Variants in BTD observed in about 807,000 individuals in gnomAD.
BTD encodes biotinidase.
BTD carries 13 observed loss-of-function variants against 17.7 expected under a neutral mutation model. The observed-to-expected ratio is 0.74, with a 90% CI of 0.48 to 1.17. The LOEUF is 1.17. BTD is among the 50% of genes most tolerant of loss of function. The pLI is 0.00. For synonymous variants in BTD, 240 were observed against 245.2 expected, an observed-to-expected ratio of 0.98 and a Z score of 0.20; for missense variants, 674 against 650.4, an observed-to-expected ratio of 1.04 and a Z score of -0.39.
downstream of BTD, among the ~76,000 whole-genome samples, chr3:15,716,573 C>T (rs2073082059): frequency 6.6e-6 from 1 of 152,008 alleles, no homozygotes; most frequent in Non-Finnish European, 1.5e-5. Context: ...TGTGAGCCAC[C>T]ATGCCTGGCC....
intron 3 of BTD, chr3:15,695,248 T>C: frequency 6.8e-7 from 1 of 1,480,994 alleles, no homozygotes; most frequent in Non-Finnish European, 9.3e-7. Context: ...ATATTTAGCT[T>C]GGGAAGTATT....
At chr3:15,692,093 A>C (rs1532767) in intron 3 of BTD, among the ~76,000 whole-genome samples, 52 of 149,930 alleles carry the variant, frequency 3.5e-4, no homozygotes, top group Non-Finnish European at 5.6e-4. Flanking sequence ...TGAGCTGGGA[A>C]TGCACCACTG....
intron 3 of BTD, among the ~76,000 whole-genome samples, chr3:15,689,314 C>T (rs745370556): frequency 8.5e-5 from 13 of 152,150 alleles, no homozygotes; most frequent in African/African-American, 1.9e-4. Context: ...TAAGCTTTGA[C>T]GGTAGTGGGG....
chr3:15,606,042 CAAAAAAAAAA>C (rs11369757), intron 1 of BTD, among the ~76,000 whole-genome samples: 1 of 64,954 alleles, frequency 1.5e-5, no homozygotes, highest in Non-Finnish European at 2.9e-5. Context: ...GACCCTGTCT[CAAAAAAAAAA>C]AAAAAAAAAA....
At chr3:15,623,163 C>G (rs1278136065) in intron 1 of BTD, among the ~76,000 whole-genome samples, 1 of 152,202 alleles carries the variant, frequency 6.6e-6, no homozygotes, top group Non-Finnish European at 1.5e-5. Flanking sequence ...ATTATCTCCA[C>G]CTGGCTCCAC....
At chr3:15,688,319 T>A (rs1374013873) in intron 3 of BTD, among the ~76,000 whole-genome samples, 2 of 152,148 alleles carry the variant, frequency 1.3e-5, no homozygotes, top group Non-Finnish European at 2.9e-5. Flanking sequence ...AGGAACAGGG[T>A]TTCATCATGT....
At chr3:15,697,564 C>T (rs781367242) in intron 3 of BTD, among the ~76,000 whole-genome samples, 12 of 151,862 alleles carry the variant, frequency 7.9e-5, no homozygotes, top group African/African-American at 1.7e-4. Context: ...TATTGATTTG[C>T]GTACGTTGAA....
chr3:15,667,842 T>C (rs2066060807), intron 3 of BTD: 1 of 152,262 alleles, frequency 6.6e-6, no homozygotes, highest in Non-Finnish European at 1.5e-5. Context: ...ATAGAAGTTC[T>C]GGTGTATGTG....
intron 2 of BTD, among the ~76,000 whole-genome samples, chr3:15,640,656 G>A (rs1433810439): frequency 6.6e-6 from 1 of 152,144 alleles, no homozygotes; most frequent in African/African-American, 2.4e-5. Context: ...CTCCTGAAGT[G>A]CTGGGATTAC....
At chr3:15,707,745 G>A (rs2071650869) in intron 3 of BTD, among the ~76,000 whole-genome samples, 1 of 152,200 alleles carries the variant, frequency 6.6e-6, no homozygotes, top group South Asian at 2.1e-4. Flanking sequence ...AGAATAGGTA[G>A]TAATAACTAT....
chr3:15,658,896 GT>G, intron 3 of BTD, among the ~76,000 whole-genome samples: 1 of 152,152 alleles, frequency 6.6e-6, no homozygotes, highest in East Asian at 1.9e-4. Flanking sequence ...ACTCAGGAAG[GT>G]TATGTAACTT....
intron 3 of BTD, among the ~76,000 whole-genome samples, chr3:15,666,406 C>CT (rs1350523639): frequency 3.8e-5 from 2 of 52,548 alleles, no homozygotes; most frequent in Admixed American, 4.4e-4. Flanking sequence ...ACTTCATCTC[C>CT]CCCTTTCCTC....
chr3:15,605,739 A>T (rs1278512204), intron 1 of BTD, among the ~76,000 whole-genome samples: 1 of 152,186 alleles, frequency 6.6e-6, no homozygotes, highest in Non-Finnish European at 1.5e-5. Context: ...AGTAAAATTG[A>T]CATTCCAGAA....
intron 3 of BTD, among the ~76,000 whole-genome samples, chr3:15,706,547 C>T (rs1211440925): frequency 6.6e-6 from 1 of 152,140 alleles, no homozygotes; most frequent in Admixed American, 6.5e-5. Flanking sequence ...TCACAATAAA[C>T]ATACGTGTGC....
At chr3:15,638,945 G>A (rs182066260) in intron 2 of BTD, among the ~76,000 whole-genome samples, 1 of 152,276 alleles carries the variant, frequency 6.6e-6, no homozygotes, top group Admixed American at 6.5e-5. Flanking sequence ...TCACATATGT[G>A]GTCTGTCATT....
At chr3:15,662,209 CA>C (rs2065931782) in intron 3 of BTD, among the ~76,000 whole-genome samples, 1 of 152,214 alleles carries the variant, frequency 6.6e-6, no homozygotes, top group South Asian at 2.1e-4. Flanking sequence ...ATAAAGTTGG[CA>C]AGAACTGACA....
chr3:15,669,624 T>C (rs549370234), intron 3 of BTD: 5 of 152,222 alleles, frequency 3.3e-5, no homozygotes, highest in Admixed American at 6.6e-5. Context: ...AAAATACATC[T>C]GCTTTCTCTC....
intron 1 of BTD, among the ~76,000 whole-genome samples, chr3:15,632,083 G>C (rs762158263): frequency 3.9e-5 from 6 of 152,098 alleles, no homozygotes; most frequent in African/African-American, 4.8e-5. Flanking sequence ...TCTGCCTGCC[G>C]TGCTCTCACC....
chr3:15,602,028 C>A, intron 1 of BTD, 134 bp downstream of exon 1: 1 of 1,493,916 alleles, frequency 6.7e-7, no homozygotes, highest in South Asian at 1.3e-5. Flanking sequence ...CGGCGCGCGT[C>A]GTTTGCTGGG....
Sources: allele counts gnomAD v4.1 joint callset (sites outside exome capture counted in the v4.1 genomes callset), GRCh38; gene constraint gnomAD v4.1.1; transcripts MANE v1.5; gene names NCBI Gene and HGNC (gene_info 2026-07-23, HGNC 2026-07-21).